The following RBFOX1 variants were observed in gnomAD, a reference collection of about 807,000 sequenced individuals.
RBFOX1 encodes the protein RNA binding protein fox-1 homolog 1.
In RBFOX1, 8 loss-of-function variants were observed where a neutral mutation model predicts 57.7. That is an observed-to-expected ratio of 0.14 (90% confidence interval 0.08 to 0.25). The LOEUF (loss-of-function observed/expected upper bound fraction) is 0.25. Ranked by LOEUF, RBFOX1 falls within the 10% of genes least tolerant of loss-of-function variation. RBFOX1 has a pLI of 1.00. For missense variants in RBFOX1, 611 were observed against 548.5 expected, an observed-to-expected ratio of 1.11 and a Z score of -1.14; for synonymous variants, 326 against 222.4, an observed-to-expected ratio of 1.47 and a Z score of -4.15.
chr16:5,615,888 C>T (rs780181668), intron 3 of RBFOX1, among the ~76,000 whole-genome samples: 19 of 152,246 alleles, frequency 1.2e-4, no homozygotes, highest in Middle Eastern at 3.4e-3. Flanking sequence ...TTTGTGGCAC[C>T]GCTGTTCAGT....
At chr16:7,086,721 T>TACACACAGACACACACACAGAC (rs1555460286) in intron 4 of RBFOX1, among the ~76,000 whole-genome samples, 1 of 149,476 alleles carries the variant, frequency 6.7e-6, no homozygotes, top group African/African-American at 2.5e-5. Flanking sequence ...GAAGAATGTA[T>TACACACAGACACACACACAGAC]ACACACACAC....
At chr16:7,056,217 A>G (rs905183050) in intron 4 of RBFOX1, among the ~76,000 whole-genome samples, 4 of 152,110 alleles carry the variant, frequency 2.6e-5, no homozygotes, top group Non-Finnish European at 5.9e-5. Flanking sequence ...TACTCCCAAC[A>G]GTAGGGTCAC....
At chr16:5,901,543 C>T (rs1242792175) in intron 4 of RBFOX1, among the ~76,000 whole-genome samples, 2 of 152,142 alleles carry the variant, frequency 1.3e-5, no homozygotes, top group African/African-American at 4.8e-5. Context: ...GGCCGTTACA[C>T]CTAAACTGAA....
Position 7,163,943 on chromosome 16 carries a change from A to C in RBFOX1, c.27+111845A>C, listed in dbSNP as rs561424881. ...CCAAAGTACTGGGATTACAGGTGTG[A>C]GCCACCGCACACAGCCTGTTTTTTC... On this transcript the variant is annotated intron_variant, in intron 4 of 15. Transcript: ENST00000550418. Among the ~76,000 whole-genome samples the C allele has an allele frequency of 7.2e-5, 11 of 152,314 alleles. No homozygotes were observed. The South Asian group carries it at 2.3e-3, about 32-fold the overall frequency.
chr16:7,500,189 G>A (rs1407470324), intron 4 of RBFOX1, among the ~76,000 whole-genome samples: 1 of 152,196 alleles, frequency 6.6e-6, no homozygotes, highest in East Asian at 1.9e-4. Context: ...AGTCTCAAGT[G>A]GAGACATTGG....
intron 13 of RBFOX1, among the ~76,000 whole-genome samples, chr16:7,676,389 T>G (rs1352265904): frequency 2.0e-5 from 3 of 152,216 alleles, no homozygotes; most frequent in Admixed American, 2.0e-4. Flanking sequence ...TTTAAGTTAA[T>G]ATCTGATAAA....
intron 3 of RBFOX1, among the ~76,000 whole-genome samples, chr16:6,879,048 G>C (rs190928786): frequency 6.6e-6 from 1 of 152,208 alleles, no homozygotes; most frequent in Non-Finnish European, 1.5e-5. Flanking sequence ...ACGTGTAGTA[G>C]TGTTTCAGCC....
chr16:5,636,743 G>A (rs1380151895), intron 3 of RBFOX1, among the ~76,000 whole-genome samples: 1 of 152,192 alleles, frequency 6.6e-6, no homozygotes, highest in Non-Finnish European at 1.5e-5. Context: ...AGGTGAGACC[G>A]CAGGGTTGCC....
intron 4 of RBFOX1, among the ~76,000 whole-genome samples, chr16:5,916,159 T>A (rs147080173): frequency 9.0e-4 from 137 of 151,974 alleles, no homozygotes; most frequent in Admixed American, 2.0e-3. Flanking sequence ...AGCCTGAAAA[T>A]TCGTTTGGTG....
intron 4 of RBFOX1, among the ~76,000 whole-genome samples, chr16:7,163,277 G>T (rs1173726260): frequency 6.6e-6 from 1 of 152,164 alleles, no homozygotes; most frequent in Admixed American, 6.5e-5. Context: ...AAGGGGCAGG[G>T]GGTTGTATAA....
intron 1 of RBFOX1, among the ~76,000 whole-genome samples, chr16:6,293,704 T>A (rs1166970315): frequency 1.3e-5 from 2 of 152,180 alleles, no homozygotes; most frequent in Non-Finnish European, 2.9e-5. Context: ...TCGCCTGGTA[T>A]GGGCAGGAAG....
intron 3 of RBFOX1, among the ~76,000 whole-genome samples, chr16:5,813,972 A>G (rs2055528781): frequency 6.6e-6 from 1 of 152,236 alleles, no homozygotes; most frequent in African/African-American, 2.4e-5. Flanking sequence ...AAAAACCACA[A>G]TTACTTTTGC....
chr16:6,186,749 G>A (rs188957163), intron 1 of RBFOX1, among the ~76,000 whole-genome samples: 108 of 152,322 alleles, frequency 7.1e-4, no homozygotes, highest in African/African-American at 2.4e-3. Context: ...TAGGAGGGGA[G>A]CAGTGAACAT....
intron 4 of RBFOX1, among the ~76,000 whole-genome samples, chr16:7,254,365 G>C (rs1489158803): frequency 6.6e-6 from 1 of 152,084 alleles, no homozygotes; most frequent in Non-Finnish European, 1.5e-5. Context: ...GGTTAATCGG[G>C]TTTATTGGAT....
chr16:7,615,323 A>T (rs1343974959), intron 10 of RBFOX1, among the ~76,000 whole-genome samples: 2 of 122,634 alleles, frequency 1.6e-5, no homozygotes, highest in Non-Finnish European at 3.4e-5. Context: ...ATAGAGCAAG[A>T]CTCCATCTCA....
chr16:5,918,090 C>T (rs2058747560), intron 4 of RBFOX1, among the ~76,000 whole-genome samples: 1 of 152,114 alleles, frequency 6.6e-6, no homozygotes, highest in South Asian at 2.1e-4. Context: ...GCCTGCAGTT[C>T]TCTTAACACA....
At position 6,219,588 on chromosome 16, in the gene RBFOX1, G is replaced by C. The variant is rs150468977; in HGVS notation, c.-126-97407G>C. On this transcript the variant is annotated intron_variant, in intron 1 of 15. Transcript: ENST00000550418. ...CTCAATTGCTTTATCTGTAAAATGA[G>C]AATAGGCTGAGCGTGGTGGCTCATG... Among the ~76,000 whole-genome samples the C allele has an allele frequency of 1.6e-3, 237 of 152,008 alleles. 2 individuals are homozygous for C. Among genetic ancestry groups the C allele is most frequent in the African/African-American group, 5.3e-3 (221 of 41,504 alleles).
chr16:7,264,451 A>G (rs1055390180), intron 4 of RBFOX1, among the ~76,000 whole-genome samples: 8 of 152,206 alleles, frequency 5.3e-5, no homozygotes, highest in African/African-American at 1.7e-4. Context: ...GCTCAAACTC[A>G]CAAAGCTAAG....
chr16:7,235,067 C>T (rs1372347349), intron 4 of RBFOX1, among the ~76,000 whole-genome samples: 1 of 152,128 alleles, frequency 6.6e-6, no homozygotes, highest in Non-Finnish European at 1.5e-5. Context: ...GCAAGACAAG[C>T]TTCAGTGGAA....
Sources: gnomAD v4.1 joint callset for allele counts (sites outside exome capture counted in the v4.1 genomes callset) on GRCh38, gnomAD v4.1.1 for gene constraint, MANE v1.5 for transcripts, NCBI Gene and HGNC (gene_info 2026-07-23, HGNC 2026-07-21) for gene names.